ZNF723: variants seen among roughly 807,000 people sequenced by gnomAD.
The protein encoded by ZNF723 is zinc finger protein 723, pseudogene.
In ZNF723, 5 loss-of-function variants were observed where a neutral mutation model predicts 9.4. The observed-to-expected ratio is 0.53, with a 90% CI of 0.28 to 1.12. The LOEUF is 1.12. Among genes scored for constraint, ZNF723 ranks in the 50% most tolerant of loss-of-function variants. ZNF723 has a pLI of 0.10. For synonymous variants in ZNF723, 158 were observed against 168.8 expected (o/e 0.94, Z 0.49); for missense variants, 450 against 501.5 (o/e 0.90, Z 0.98).
chr19:22,857,053 A>G, intron 3 of ZNF723, 65 bp from the exon 4 acceptor site: 2 of 634,994 alleles, frequency 3.1e-6, no homozygotes. Flanking sequence ...TATAGCTTAG[A>G]TTTGTAAAGT....
chr19:22,823,848 AT>A, the ZNF723 span, among the ~76,000 whole-genome samples: 1 of 152,274 alleles, frequency 6.6e-6, no homozygotes, highest in South Asian at 2.1e-4. Flanking sequence ...TACAAGAAAG[AT>A]TGTGTCATAT....
rs1389670954 is a variant in ZNF723, at chr19:22,858,031, A to G, written c.1140A>G (p.Val380=). ...KCEECGKAFK[V]SVHLTTHKRI... is the part of the protein sequence containing the mutation. ...AAGAATGTGGCAAAGCTTTTAAAGT[A>G]TCTGTACACCTTACTACACATAAGA... The change falls in exon 4 of 4, where the codon GTA becomes GTG. Residue 380 remains valine, a synonymous_variant. Transcript: ENST00000600766. 1.3e-6 allele frequency: 2 copies of G among 1,524,244 alleles called. No homozygotes were observed. The highest frequency in any genetic ancestry group is 1.8e-6 in the Non-Finnish European group (2 of 1,101,690). 94.4% of individuals were successfully genotyped at this position (1,524,244 alleles called of 1,614,324 possible).
intron 1 of ZNF723, among the ~76,000 whole-genome samples, chr19:22,838,825 G>A (rs1276994813): frequency 1.3e-5 from 2 of 151,906 alleles, no homozygotes; most frequent in South Asian, 2.1e-4. Context: ...TCTGCTCACC[G>A]CAACCTCTGC....
At chr19:22,825,980 C>A in the ZNF723 span, among the ~76,000 whole-genome samples, 1 of 152,224 alleles carries the variant, frequency 6.6e-6, no homozygotes, top group African/African-American at 2.4e-5. Context: ...GACTCTCCTG[C>A]CTTAGCCTTG....
intron 1 of ZNF723, among the ~76,000 whole-genome samples, chr19:22,837,767 A>G (rs2090477105): frequency 6.6e-6 from 1 of 152,166 alleles, no homozygotes; most frequent in African/African-American, 2.4e-5. Context: ...TTCCAGGACT[A>G]GGCACCACCC....
Position 22,857,947 on chromosome 19 carries a change from G to T in ZNF723, c.1056G>T (p.Gln352His). 6.7e-6 allele frequency: 10 copies of T among 1,484,186 alleles called. No individual in the cohort carries two copies. The highest frequency in any genetic ancestry group is 8.4e-6 in the Non-Finnish European group (9 of 1,066,166). 91.9% of individuals were successfully genotyped at this position (1,484,186 alleles called of 1,614,324 possible). Residue 352 changes from glutamine to histidine, a missense_variant, in exon 4 of 4, where the codon CAG becomes CAT. By Grantham distance (24) the Gln-to-His change is conservative. This residue lies in a region of ZNF723 where 237 missense variants were observed against 332.2 expected (regional missense o/e 0.71). Transcript: ENST00000600766. ...KCEECGKAFS[Q>H]SSHITTHKRI... Reference sequence around the variant, plus strand: ...AAGAATGTGGCAAAGCATTCAGCCAGTCCTCACACATTACTACACATAAGA... The same window carrying T: ...AAGAATGTGGCAAAGCATTCAGCCATTCCTCACACATTACTACACATAAGA...
At chr19:22,817,750 C>T in the ZNF723 span, among the ~76,000 whole-genome samples, 1 of 152,180 alleles carries the variant, frequency 6.6e-6, no homozygotes, top group Admixed American at 6.5e-5. Flanking sequence ...AATGCTATCT[C>T]TCACAGAAAG....
chr19:22,817,746 A>G, the ZNF723 span, among the ~76,000 whole-genome samples: 2 of 152,184 alleles, frequency 1.3e-5, no homozygotes, highest in African/African-American at 2.4e-5. Context: ...AAGAAATGCT[A>G]TCTCTCACAG....
intron 3 of ZNF723, among the ~76,000 whole-genome samples, chr19:22,850,958 A>G (rs1483430702): frequency 6.6e-6 from 1 of 152,044 alleles, no homozygotes; most frequent in East Asian, 1.9e-4. Context: ...CATAACTTCA[A>G]TTGAATACAA....
At chr19:22,844,060 C>G (rs1227745455) in intron 1 of ZNF723, among the ~76,000 whole-genome samples, 1 of 152,140 alleles carries the variant, frequency 6.6e-6, no homozygotes, top group African/African-American at 2.4e-5. Context: ...TCTTGCCTCA[C>G]AGAACTGATT....
rs1397075332 is a variant in ZNF723, at chr19:22,858,405, A to C, written c.1514A>C (p.Lys505Thr). 2.7e-6 allele frequency: 2 copies of C among 745,200 alleles called. No homozygotes were observed. The highest frequency in any genetic ancestry group is 3.5e-5 in the African/African-American group (2 of 56,444). The allele number at this position is 745,200 out of a possible 1,614,324, so 46.2% of individuals were successfully genotyped here. Residue 505 changes from lysine (K) to threonine (T), a missense_variant, in exon 4 of 4, where the codon AAA becomes ACA. By Grantham distance (78) the Lys-to-Thr change is moderately conservative (BLOSUM62 -1). This residue lies in a region of ZNF723 where 43 missense variants were observed against 22.2 expected (regional missense o/e 1.94). Transcript: ENST00000600766. ...ILNRHKIIHTKEKSQTLKM is the reference protein window; with the variant it reads ...ILNRHKIIHTTEKSQTLKM ...AACAGACATAAGATAATTCATACTA[A>C]AGAGAAATCACAAACCTTAAAGATG...
intron 1 of ZNF723, among the ~76,000 whole-genome samples, chr19:22,836,240 C>T (rs1451136771): frequency 2.0e-5 from 3 of 152,132 alleles, no homozygotes; most frequent in East Asian, 3.9e-4. Context: ...GCTACACAGC[C>T]CTGGAAAGCT....
the ZNF723 span, among the ~76,000 whole-genome samples, chr19:22,813,922 C>T: frequency 6.6e-6 from 1 of 151,672 alleles, no homozygotes; most frequent in African/African-American, 2.4e-5. Flanking sequence ...AGCGATTCTC[C>T]TACCTCAGCC....
intron 1 of ZNF723, among the ~76,000 whole-genome samples, chr19:22,834,888 G>C (rs903595156): frequency 6.6e-6 from 1 of 152,064 alleles, no homozygotes; most frequent in Admixed American, 6.6e-5. Flanking sequence ...GAAAGTGCAA[G>C]AATTTGCAAA....
At chr19:22,822,518 C>T in the ZNF723 span, among the ~76,000 whole-genome samples, 11 of 152,186 alleles carry the variant, frequency 7.2e-5, no homozygotes, top group Non-Finnish European at 1.6e-4. Flanking sequence ...GTTGTATGAT[C>T]CCTTCCAATG....
intron 3 of ZNF723, 40 bp downstream of exon 3, chr19:22,849,333 C>A (rs998028746): frequency 1.4e-5 from 7 of 511,614 alleles, no homozygotes; most frequent in Non-Finnish European, 2.1e-5. Context: ...ACAGATAAGA[C>A]GTCCAAAGGT....
chr19:22,842,667 A>T (rs1734598776), intron 1 of ZNF723, among the ~76,000 whole-genome samples: 1 of 152,200 alleles, frequency 6.6e-6, no homozygotes, highest in Non-Finnish European at 1.5e-5. Context: ...TTAGGTAGAC[A>T]TATCTTTCAG....
intron 1 of ZNF723, among the ~76,000 whole-genome samples, chr19:22,836,296 T>C (rs1381018594): frequency 6.6e-6 from 1 of 152,172 alleles, no homozygotes; most frequent in Non-Finnish European, 1.5e-5. Context: ...GGAATGGGAC[T>C]GAAAGGATCT....
At chr19:22,826,863 A>G in the ZNF723 span, among the ~76,000 whole-genome samples, 1 of 152,260 alleles carries the variant, frequency 6.6e-6, no homozygotes, top group African/African-American at 2.4e-5. Context: ...TCACCTTGAT[A>G]GGTAAAAGAT....
Sources: gnomAD v4.1 joint callset for allele counts (sites outside exome capture counted in the v4.1 genomes callset) on GRCh38, gnomAD v4.1.1 for gene constraint, gnomAD v4.1.1 regional missense constraint, MANE v1.5 for transcripts, NCBI Gene and HGNC (gene_info 2026-07-23, HGNC 2026-07-21) for gene names.